KCNJ3: variants seen among roughly 807,000 people sequenced by gnomAD.
KCNJ3 encodes the protein potassium inwardly rectifying channel subfamily J member 3.
Under a neutral mutation model 39.2 loss-of-function variants are expected in KCNJ3, and 4 were observed. The ratio of observed to expected loss-of-function variants is 0.10; its 90% CI spans 0.05 to 0.23. KCNJ3 has a LOEUF of 0.23. KCNJ3 is among the 10% of genes least tolerant of loss of function. The pLI is 1.00. For synonymous variants in KCNJ3, 230 were observed against 237.4 expected, an observed-to-expected ratio of 0.97 and a Z score of 0.29; for missense variants, 276 against 634.9, an observed-to-expected ratio of 0.43 and a Z score of 6.08.
At chr2:154,747,675 A>G (rs1288823940) in intron 2 of KCNJ3, among the ~76,000 whole-genome samples, 1 of 152,052 alleles carries the variant, frequency 6.6e-6, no homozygotes, top group African/African-American at 2.4e-5. Context: ...CTTTAATTTG[A>G]AAAAGACAAA....
chr2:154,847,525 G>T (rs894957767), intron 2 of KCNJ3, among the ~76,000 whole-genome samples: 1 of 152,240 alleles, frequency 6.6e-6, no homozygotes, highest in South Asian at 2.1e-4. Context: ...CTGCCAATTT[G>T]AAGTAAATAA....
At chr2:154,850,412 TC>T (rs1687739241) in intron 2 of KCNJ3, among the ~76,000 whole-genome samples, 1 of 152,212 alleles carries the variant, frequency 6.6e-6, no homozygotes, top group African/African-American at 2.4e-5. Flanking sequence ...CTACTTTAAA[TC>T]TTCTCAGTTG....
rs145532502 is a variant in KCNJ3 at position 154,707,480 on chromosome 2, T to C, written c.703-2123T>C. On this transcript the variant is annotated intron_variant, in intron 1 of 2. Coordinates refer to ENST00000295101, the MANE Select transcript of KCNJ3 (RefSeq NM_002239.4). ...CTTATATCCATGGGTTATTAAATGA[T>C]TAGGGAATACAAAATTTAATAGCTT... Among the ~76,000 whole-genome samples, 24 of 152,198 alleles carry C rather than the reference T, an allele frequency of 1.6e-4. No individual in the cohort carries two copies. In the East Asian group the frequency reaches 4.6e-3, roughly 29 times the overall value.
chr2:154,828,308 AG>A (rs1298719689), intron 2 of KCNJ3, among the ~76,000 whole-genome samples: 1 of 152,230 alleles, frequency 6.6e-6, no homozygotes, highest in African/African-American at 2.4e-5. Flanking sequence ...AGATATTAAA[AG>A]CTTTAGATAT....
At chr2:154,772,567 T>C (rs2105197151) in intron 2 of KCNJ3, among the ~76,000 whole-genome samples, 1 of 152,326 alleles carries the variant, frequency 6.6e-6, no homozygotes, top group African/African-American at 2.4e-5. Flanking sequence ...CTTTTGAAAG[T>C]ACAATGCTGC....
intron 2 of KCNJ3, among the ~76,000 whole-genome samples, chr2:154,853,174 G>C (rs1243695880): frequency 6.6e-6 from 1 of 150,798 alleles, no homozygotes; most frequent in Non-Finnish European, 1.5e-5. Context: ...AGAAGAGAGA[G>C]AGCACCTAAC....
rs558893617 is a variant in KCNJ3 at position 154,768,398 on chromosome 2, T to C, written c.919+58579T>C. On this transcript the variant is annotated intron_variant, in intron 2 of 2. Coordinates refer to ENST00000295101, the MANE Select transcript of KCNJ3 (RefSeq NM_002239.4). ...AGGAAGGGATCCAGTTTCAGCTTTC[T>C]ACATATGGCTAGCCAGTTTTCCCAG... 2.9e-3 allele frequency among the ~76,000 whole-genome samples: 449 copies of C among 152,338 alleles called. 3 individuals carry two copies. Among genetic ancestry groups the C allele is most frequent in the African/African-American group, 1.0e-2 (415 of 41,574 alleles).
intron 2 of KCNJ3, among the ~76,000 whole-genome samples, chr2:154,750,310 T>C (rs1685816969): frequency 6.6e-6 from 1 of 151,968 alleles, no homozygotes; most frequent in Non-Finnish European, 1.5e-5. Context: ...TTATAAACTT[T>C]GCTAATTTGT....
chr2:154,847,633 T>C (rs1420513752), intron 2 of KCNJ3, among the ~76,000 whole-genome samples: 1 of 152,066 alleles, frequency 6.6e-6, no homozygotes, highest in African/African-American at 2.4e-5. Context: ...GTTGTAGTCA[T>C]ATAGCCTGTT....
At chr2:154,719,056 A>G (rs1685225474) in intron 2 of KCNJ3, among the ~76,000 whole-genome samples, 1 of 152,174 alleles carries the variant, frequency 6.6e-6, no homozygotes, top group Non-Finnish European at 1.5e-5. Flanking sequence ...AGTTTTTTCA[A>G]GATGAGGTCT....
chr2:154,784,303 G>T (rs1464839894), intron 2 of KCNJ3, among the ~76,000 whole-genome samples: 2 of 152,214 alleles, frequency 1.3e-5, no homozygotes, highest in Non-Finnish European at 2.9e-5. Context: ...AAAAATGCTT[G>T]AGTGAAAAGT....
chr2:154,797,177 CA>C (rs1296957235), intron 2 of KCNJ3, among the ~76,000 whole-genome samples: 3 of 152,176 alleles, frequency 2.0e-5, no homozygotes, highest in Non-Finnish European at 4.4e-5. Flanking sequence ...GGGCAGCTGT[CA>C]CTTGTCTGGT....
chr2:154,839,422 T>C (rs1383629170), intron 2 of KCNJ3, among the ~76,000 whole-genome samples: 1 of 152,232 alleles, frequency 6.6e-6, no homozygotes, highest in Non-Finnish European at 1.5e-5. Context: ...TATAGTAGCA[T>C]GGTTTATAAT....
chr2:154,808,446 CCT>C (rs1454661609), intron 2 of KCNJ3, among the ~76,000 whole-genome samples: 1 of 151,970 alleles, frequency 6.6e-6, no homozygotes, highest in Non-Finnish European at 1.5e-5. Context: ...CTCATGTGGG[CCT>C]CTATCACAGA....
chr2:154,784,036 G>C (rs967238943), intron 2 of KCNJ3, among the ~76,000 whole-genome samples: 3 of 152,114 alleles, frequency 2.0e-5, no homozygotes, highest in Admixed American at 6.6e-5. Context: ...AAAATTTCTT[G>C]CTGGGTGATA....
At chr2:154,787,009 G>A (rs1389072612) in intron 2 of KCNJ3, among the ~76,000 whole-genome samples, 1 of 152,068 alleles carries the variant, frequency 6.6e-6, no homozygotes, top group Admixed American at 6.5e-5. Flanking sequence ...GGAATATGCT[G>A]TTAATAATGA....
intron 2 of KCNJ3, among the ~76,000 whole-genome samples, chr2:154,788,049 C>A (rs1355089423): frequency 1.3e-5 from 2 of 152,054 alleles, no homozygotes; most frequent in East Asian, 3.9e-4. Flanking sequence ...AGAAGTGGAA[C>A]AGCTGATATT....
At chr2:154,843,073 A>G (rs1687603662) in intron 2 of KCNJ3, among the ~76,000 whole-genome samples, 1 of 152,178 alleles carries the variant, frequency 6.6e-6, no homozygotes, top group South Asian at 2.1e-4. Flanking sequence ...AGTGGCTAGT[A>G]CTGGTTGTTT....
chr2:154,712,081 T>C (rs1005289658), intron 2 of KCNJ3, among the ~76,000 whole-genome samples: 12 of 152,196 alleles, frequency 7.9e-5, no homozygotes, highest in African/African-American at 2.4e-4. Context: ...TTACTCATAA[T>C]TTATAGAATT....
Sources: gnomAD v4.1 joint callset for allele counts (sites outside exome capture counted in the v4.1 genomes callset) on GRCh38, gnomAD v4.1.1 for gene constraint, MANE v1.5 for transcripts, NCBI Gene and HGNC (gene_info 2026-07-23, HGNC 2026-07-21) for gene names.